Variants in CNTNAP2 observed in about 807,000 individuals in gnomAD.
CNTNAP2 encodes the protein contactin associated protein 2.
CNTNAP2 carries 98 observed loss-of-function variants against 155.2 expected under a neutral mutation model. The ratio of observed to expected loss-of-function variants is 0.63; its 90% CI spans 0.54 to 0.75. The LOEUF is 0.75. Among genes scored for constraint, CNTNAP2 ranks in the 30% least tolerant of loss-of-function variants. The pLI is 0.00. For synonymous variants in CNTNAP2, 651 were observed against 631.2 expected (o/e 1.03, Z -0.47); for missense variants, 1,727 against 1,688.1 (o/e 1.02, Z -0.40).
At chr7:147,717,539 C>T (rs1321461725) in intron 13 of CNTNAP2, among the ~76,000 whole-genome samples, 1 of 152,074 alleles carries the variant, frequency 6.6e-6, no homozygotes, top group East Asian at 1.9e-4. Flanking sequence ...AATGCTCCAC[C>T]TTGGGGTTTT....
intron 1 of CNTNAP2, among the ~76,000 whole-genome samples, chr7:146,648,547 T>C (rs1799854315): frequency 1.3e-5 from 2 of 152,250 alleles, no homozygotes; most frequent in South Asian, 4.1e-4. Context: ...ATCTTATAAA[T>C]GTATGAAGAT....
intron 13 of CNTNAP2, among the ~76,000 whole-genome samples, chr7:147,860,698 A>T (rs1419047222): frequency 2.0e-5 from 3 of 151,930 alleles, no homozygotes; most frequent in African/African-American, 7.3e-5. Context: ...ATGACTGTAA[A>T]TTTCCTGATG....
intron 13 of CNTNAP2, among the ~76,000 whole-genome samples, chr7:147,803,300 C>A (rs2116594758): frequency 6.6e-6 from 1 of 152,314 alleles, no homozygotes; most frequent in African/African-American, 2.4e-5. Context: ...GAGCCTAATT[C>A]TGCTCTTGGG....
At chr7:148,010,815 G>T (rs930507754) in intron 15 of CNTNAP2, among the ~76,000 whole-genome samples, 2 of 151,988 alleles carry the variant, frequency 1.3e-5, no homozygotes, top group African/African-American at 4.8e-5. Context: ...ATACATGCAA[G>T]GGTCTCTTTT....
At chr7:148,083,866 TA>T (rs1803666391) in intron 15 of CNTNAP2, among the ~76,000 whole-genome samples, 1 of 152,184 alleles carries the variant, frequency 6.6e-6, no homozygotes, top group South Asian at 2.1e-4. Context: ...AGAAATTACA[TA>T]ACTAAGAGTC....
At chr7:148,245,769 G>A (rs1172442935) in intron 20 of CNTNAP2, among the ~76,000 whole-genome samples, 1 of 152,084 alleles carries the variant, frequency 6.6e-6, no homozygotes, top group Non-Finnish European at 1.5e-5. Context: ...TTGTGTTAGA[G>A]CCTTAATGCA....
chr7:146,380,542 T>C (rs973854932), intron 1 of CNTNAP2, among the ~76,000 whole-genome samples: 1 of 152,250 alleles, frequency 6.6e-6, no homozygotes, highest in East Asian at 1.9e-4. Flanking sequence ...TTGGCCATCA[T>C]AGTAACTGAT....
chr7:146,643,736 A>T (rs542421607), intron 1 of CNTNAP2, among the ~76,000 whole-genome samples: 3 of 152,138 alleles, frequency 2.0e-5, no homozygotes, highest in Non-Finnish European at 4.4e-5. Flanking sequence ...CATTGAATCT[A>T]TAAATTACCT....
intron 1 of CNTNAP2, among the ~76,000 whole-genome samples, chr7:146,668,464 G>T (rs910135901): frequency 1.3e-5 from 2 of 151,320 alleles, no homozygotes; most frequent in African/African-American, 4.9e-5. Flanking sequence ...GTGTGTGTGT[G>T]TGTGTGTGTC....
chr7:146,451,110 C>G (rs904505516), intron 1 of CNTNAP2, among the ~76,000 whole-genome samples: 10 of 151,980 alleles, frequency 6.6e-5, no homozygotes, highest in Non-Finnish European at 1.3e-4. Context: ...CATCACCCAG[C>G]TAATTTTTTG....
Position 147,929,080 on chromosome 7 carries a change from G to A in CNTNAP2, c.2255+25359G>A, listed in dbSNP as rs369773955. Among the ~76,000 whole-genome samples, 9 of 54,090 alleles carry A rather than the reference G, an allele frequency of 1.7e-4. 1 individual carries two copies. The highest frequency in any genetic ancestry group is 7.4e-4 in the South Asian group (1 of 1,354). 35.5% of individuals were successfully genotyped at this position (54,090 alleles called of 152,430 possible). ...GCACTCCAGCCGGGGCAACAAGAACGAAACTCCATCCCAAAAAAAAAAAAA... is the reference window on the plus strand; with the variant it reads ...GCACTCCAGCCGGGGCAACAAGAACAAAACTCCATCCCAAAAAAAAAAAAA... On this transcript the variant is annotated intron_variant, in intron 14 of 23. Coordinates refer to ENST00000361727, the MANE Select transcript of CNTNAP2 (RefSeq NM_014141.6).
chr7:147,502,741 G>GTATATATA (rs71183011), intron 11 of CNTNAP2, among the ~76,000 whole-genome samples: 1,115 of 99,932 alleles, frequency 0.011, 4 homozygotes, highest in Non-Finnish European at 0.017. Flanking sequence ...GTGTGTGTGT[G>GTATATATA]TATATATATA....
intron 13 of CNTNAP2, among the ~76,000 whole-genome samples, chr7:147,820,327 TTGTTTAATGTC>T (rs1798341746): frequency 6.6e-6 from 1 of 152,270 alleles, no homozygotes; most frequent in South Asian, 2.1e-4. Flanking sequence ...GTTCAATTTG[TTGTTTAATGTC>T]TGTTTAATGT....
chr7:146,973,365 T>C (rs1057108940), intron 3 of CNTNAP2, among the ~76,000 whole-genome samples: 1 of 152,124 alleles, frequency 6.6e-6, no homozygotes, highest in Non-Finnish European at 1.5e-5. Context: ...TAGATACACA[T>C]GGTTTGTGGC....
chr7:146,267,545 A>G (rs1354446228), intron 1 of CNTNAP2, among the ~76,000 whole-genome samples: 3 of 152,182 alleles, frequency 2.0e-5, no homozygotes, highest in African/African-American at 7.2e-5. Flanking sequence ...AGGTGGAGCT[A>G]TTGGGAGGTG....
intron 8 of CNTNAP2, among the ~76,000 whole-genome samples, chr7:147,252,635 C>T (rs950490405): frequency 6.6e-6 from 1 of 152,004 alleles, no homozygotes; most frequent in Non-Finnish European, 1.5e-5. Context: ...CTAAATTATG[C>T]ATTGGGGGGA....
At chr7:146,384,831 C>T (rs760233790) in intron 1 of CNTNAP2, among the ~76,000 whole-genome samples, 9 of 152,010 alleles carry the variant, frequency 5.9e-5, no homozygotes, top group African/African-American at 9.7e-5. Flanking sequence ...AGTCTTTTTT[C>T]GATGTAATTA....
intron 10 of CNTNAP2, among the ~76,000 whole-genome samples, chr7:147,407,848 A>C (rs1378018008): frequency 6.6e-6 from 1 of 152,238 alleles, no homozygotes; most frequent in Non-Finnish European, 1.5e-5. Context: ...GAGGAGCATT[A>C]GCCTCGGATG....
chr7:148,139,791 G>T (rs1054454995), intron 16 of CNTNAP2, among the ~76,000 whole-genome samples: 1 of 151,894 alleles, frequency 6.6e-6, no homozygotes, highest in Non-Finnish European at 1.5e-5. Flanking sequence ...CACCCGCCTC[G>T]GCCTCCCAAA....
Sources: allele counts gnomAD v4.1 joint callset (sites outside exome capture counted in the v4.1 genomes callset), GRCh38; gene constraint gnomAD v4.1.1; transcripts MANE v1.5; gene names NCBI Gene and HGNC (gene_info 2026-07-23, HGNC 2026-07-21).